The following HAUS6 variants were observed in gnomAD, a reference collection of about 807,000 sequenced individuals.
HAUS6 encodes HAUS augmin-like complex subunit 6.
A neutral mutation model predicts 106.8 loss-of-function variants in HAUS6; 80 were observed. That is an observed-to-expected ratio of 0.75 (90% CI 0.63 to 0.90). HAUS6 has a LOEUF of 0.90. Ranked by LOEUF, HAUS6 falls within the 40% of genes least tolerant of loss-of-function variation. The pLI is 0.00. For synonymous variants in HAUS6, 356 were observed against 379.1 expected, an observed-to-expected ratio of 0.94 and a Z score of 0.71; for missense variants, 1,155 against 1,118.1, an observed-to-expected ratio of 1.03 and a Z score of -0.47.
chr9:19,078,511 G>A (rs1040690850), intron 9 of HAUS6, among the ~76,000 whole-genome samples: 13 of 152,148 alleles, frequency 8.5e-5, no homozygotes, highest in African/African-American at 3.1e-4. Flanking sequence ...AAGAAGGCCG[G>A]GGGCAGTGTC....
At position 19,055,090 on chromosome 9, in the gene HAUS6, G is replaced by A. The variant is rs988152208; in HGVS notation, c.*1253C>T. On this transcript the variant is annotated 3_prime_UTR_variant, in exon 17 of 17. Coordinates refer to ENST00000380502, the MANE Select transcript of HAUS6 (RefSeq NM_017645.5). ...TCACAAAAAGATGGGTCTTCACACT[G>A]GGACAGGACAACCAACTTAGAGAAA... is the stretch of plus-strand genomic sequence containing the variant. 1.3e-5 allele frequency: 2 copies of A among 152,168 alleles called. No homozygotes were observed. The highest frequency in any genetic ancestry group is 4.8e-5 in the African/African-American group (2 of 41,432). The allele number at this position is 152,168 out of a possible 1,614,324, so 9.4% of individuals were successfully genotyped here.
intron 5 of HAUS6, 106 bp from the exon 6 acceptor site, chr9:19,087,262 A>T: frequency 1.4e-6 from 1 of 714,314 alleles, no homozygotes; most frequent in Non-Finnish European, 2.5e-6. Flanking sequence ...GCCTCTGGGT[A>T]CAGCCACCAG....
At chr9:19,077,960 C>G (rs1196722068) in intron 10 of HAUS6, among the ~76,000 whole-genome samples, 1 of 151,992 alleles carries the variant, frequency 6.6e-6, no homozygotes, top group East Asian at 1.9e-4. Context: ...ACTCAGAAGG[C>G]TGAGGTGGGA....
chr9:19,097,150 G>A (rs548638833), intron 1 of HAUS6, among the ~76,000 whole-genome samples: 51 of 152,162 alleles, frequency 3.4e-4, no homozygotes, highest in South Asian at 1.2e-3. Flanking sequence ...AAAAACCCTA[G>A]AAGAAAACCT....
rs1394668937 is a variant in HAUS6, at chr9:19,102,761, A to AT, written c.-111dup. The AT allele has an allele frequency of 2.3e-5, 23 of 1,018,872 alleles. No homozygotes were observed. In the East Asian group the frequency reaches 5.5e-4, roughly 24 times the overall value. The allele number at this position is 1,018,872 out of a possible 1,614,324, so 63.1% of individuals were successfully genotyped here. A position where few individuals can be genotyped will look rare whatever the true frequency, so the allele number is the denominator to read the frequency against. The stretch of plus-strand genomic sequence containing the variant: ...AGCCTGAGGTCGCGGTGGTCCTTCC[A>AT]TTGCCAACGCCTGCTCCTTTCACGC... On this transcript the variant is annotated 5_prime_UTR_variant, in exon 1 of 17. In the 5' UTR this introduces an upstream ATG that the reference lacks. Transcript: ENST00000380502.
intron 1 of HAUS6, among the ~76,000 whole-genome samples, chr9:19,100,468 C>T (rs1177466169): frequency 6.6e-6 from 1 of 152,176 alleles, no homozygotes; most frequent in Non-Finnish European, 1.5e-5. Flanking sequence ...AAAGGGAATG[C>T]TTGTACTTTG....
chr9:19,077,068 T>C (rs1837025523), intron 10 of HAUS6, among the ~76,000 whole-genome samples: 1 of 152,112 alleles, frequency 6.6e-6, no homozygotes, highest in African/African-American at 2.4e-5. Context: ...GGTCTCCAAT[T>C]CCTGGCCTCA....
At chr9:19,071,576 T>TC (rs1030848460) in intron 11 of HAUS6, among the ~76,000 whole-genome samples, 2 of 145,194 alleles carry the variant, frequency 1.4e-5, no homozygotes, top group African/African-American at 5.0e-5. Context: ...ATATTTTCTT[T>TC]TTTTTTTTTT....
At chr9:19,061,177 TAAATAAAATTTAAAAATAC>T (rs1836609653) in intron 14 of HAUS6, among the ~76,000 whole-genome samples, 1 of 151,914 alleles carries the variant, frequency 6.6e-6, no homozygotes, top group African/African-American at 2.4e-5. Flanking sequence ...AAAAATAACA[TAAATAAAATTTAAAAATAC>T]AAATAAAATT....
chr9:19,063,511 T>C lies in HAUS6; in HGVS notation c.1443+3A>G, dbSNP rs768023869. ...ATTAATTGAGACTTATTTTAAAATA[T>C]ACCTTTTCAAGTACTGTAACACTGT... On this transcript the variant is annotated splice_donor_region_variant and intron_variant, in intron 13 of 16. Coordinates refer to ENST00000380502, the MANE Select transcript of HAUS6 (RefSeq NM_017645.5). The C allele has an allele frequency of 6.8e-7, 1 of 1,475,222 alleles. No homozygotes were observed. The highest frequency in any genetic ancestry group is 9.5e-7 in the Non-Finnish European group (1 of 1,056,774). 91.4% of individuals were successfully genotyped at this position (1,475,222 alleles called of 1,614,324 possible).
chr9:19,058,649 T>C lies in HAUS6; in HGVS notation c.2118A>G (p.Ser706=). The C allele has an allele frequency of 6.2e-7, 1 of 1,608,374 alleles. No homozygotes were observed. Among genetic ancestry groups the C allele is most frequent in the Non-Finnish European group, 8.5e-7 (1 of 1,175,024 alleles). Residue 706 remains serine, a synonymous_variant, in exon 16 of 17, where the codon TCA becomes TCG. Coordinates refer to ENST00000380502, the MANE Select transcript of HAUS6 (RefSeq NM_017645.5). The stretch of plus-strand genomic sequence containing the variant: ...AGAATGTCTCCATTCGGCTAGTTTC[T>C]GAAAGCTTGGTGAAGGCTAAACATT... ...DLECLAFTKL[S]ETSRMETFSP... is the part of the protein sequence containing the mutation.
At chr9:19,090,694 TATAAAAAGATAAGAGGAGATCAC>T (rs1817726726) in intron 4 of HAUS6, among the ~76,000 whole-genome samples, 1 of 152,120 alleles carries the variant, frequency 6.6e-6, no homozygotes, top group Non-Finnish European at 1.5e-5. Flanking sequence ...AGAAAGTCAA[TATAAAAAGATAAGAGGAGATCAC>T]ATCATCTCCA....
Position 19,102,587 on chromosome 9 carries a change from C to T in HAUS6, c.65G>A (p.Gly22Asp), listed in dbSNP as rs1818014377. The T allele has an allele frequency of 6.2e-7, 1 of 1,613,860 alleles. No individual in the cohort carries two copies. Among genetic ancestry groups the T allele is most frequent in the Non-Finnish European group, 8.5e-7 (1 of 1,179,904 alleles). ...EHLWMYLQALGFEPGPATIAC... is the reference protein window; with the variant it reads ...EHLWMYLQALDFEPGPATIAC... Reference sequence around the variant, plus strand: ...AATGGTTGCCGGGCCTGGCTCGAAGCCGAGCGCCTGCAGATACATCCAGAG... The same window carrying T: ...AATGGTTGCCGGGCCTGGCTCGAAGTCGAGCGCCTGCAGATACATCCAGAG... The change falls in exon 1 of 17, where the codon GGC becomes GAC. Residue 22 changes from glycine (G) to aspartate (D), a missense_variant. Transcript: ENST00000380502.
chr9:19,088,851 C>G (rs1441030446), intron 5 of HAUS6, among the ~76,000 whole-genome samples: 1 of 152,074 alleles, frequency 6.6e-6, no homozygotes, highest in African/African-American at 2.4e-5. Flanking sequence ...GCACTCAAGC[C>G]TGGGCAACAC....
rs939613796 is a variant in HAUS6 at position 19,092,170 on chromosome 9, G to A, written c.436+1001C>T. ...CCATACAATAGTGATAAAAGTATCAGTTGTCGCCGGGCACGGTGGCTTATG... is the reference window on the plus strand; with the variant it reads ...CCATACAATAGTGATAAAAGTATCAATTGTCGCCGGGCACGGTGGCTTATG... On this transcript the variant is annotated intron_variant, in intron 4 of 16. Coordinates refer to ENST00000380502, the MANE Select transcript of HAUS6 (RefSeq NM_017645.5). Among the ~76,000 whole-genome samples the A allele has an allele frequency of 3.3e-5, 5 of 152,076 alleles. No homozygotes were observed. In the South Asian group the frequency reaches 8.3e-4, roughly 25 times the overall value.
intron 7 of HAUS6, among the ~76,000 whole-genome samples, chr9:19,084,398 AG>A (rs972405503): frequency 1.3e-5 from 2 of 152,194 alleles, no homozygotes; most frequent in African/African-American, 4.8e-5. Flanking sequence ...GGAGGATTCT[AG>A]GGTGCTGGTA....
At chr9:19,078,750 T>A (rs1036462976) in intron 9 of HAUS6, among the ~76,000 whole-genome samples, 14 of 151,476 alleles carry the variant, frequency 9.2e-5, no homozygotes, top group African/African-American at 3.4e-4. Context: ...ATCGTGCCAT[T>A]GCACTCCATG....
chr9:19,059,799 T>A (rs1349960490), intron 15 of HAUS6, among the ~76,000 whole-genome samples: 2 of 150,430 alleles, frequency 1.3e-5, no homozygotes, highest in Admixed American at 1.3e-4. Flanking sequence ...GGCAAGAGAT[T>A]TTTTTTTTTA....
intron 7 of HAUS6, among the ~76,000 whole-genome samples, chr9:19,084,246 A>C (rs1588618328): frequency 6.6e-6 from 1 of 152,222 alleles, no homozygotes. Context: ...AACAATGTTG[A>C]GCCAAAGTCA....
Sources: allele counts gnomAD v4.1 joint callset (sites outside exome capture counted in the v4.1 genomes callset), GRCh38; gene constraint gnomAD v4.1.1; transcripts MANE v1.5; gene names NCBI Gene and HGNC (gene_info 2026-07-23, HGNC 2026-07-21).